Variants in CABP7 observed in about 807,000 individuals in gnomAD.
The protein encoded by CABP7 is calcium-binding protein 7.
CABP7 carries 13 observed loss-of-function variants against 23.1 expected under a neutral mutation model. The ratio of observed to expected loss-of-function variants is 0.56; its 90% CI spans 0.37 to 0.90. CABP7 has a LOEUF of 0.90. CABP7 is among the 40% of genes least tolerant of loss of function. The pLI is 0.01. For missense variants in CABP7, 248 were observed against 295.6 expected (o/e 0.84, Z 1.18); for synonymous variants, 123 against 115.3 (o/e 1.07, Z -0.43).
In CABP7 at chr22:29,726,504, C is replaced by T. The variant is rs146490439; in HGVS notation, c.110-1158C>T. ...CAGCCCAAGCAACAGCAGCTCTGAGCCCACGCTGACTCTGGGCCGGCCGCT... is the reference window on the plus strand; with the variant it reads ...CAGCCCAAGCAACAGCAGCTCTGAGTCCACGCTGACTCTGGGCCGGCCGCT... On this transcript the variant is annotated intron_variant, in intron 1 of 4. Coordinates refer to ENST00000216144, the MANE Select transcript of CABP7 (RefSeq NM_182527.3). Among the ~76,000 whole-genome samples, 11 of 152,344 alleles carry T rather than the reference C, an allele frequency of 7.2e-5. No individual in the cohort carries two copies. The East Asian group carries it at 2.1e-3, about 29-fold the overall frequency.
intron 1 of CABP7, among the ~76,000 whole-genome samples, chr22:29,721,010 G>A (rs1318644273): frequency 6.6e-6 from 1 of 152,136 alleles, no homozygotes; most frequent in Non-Finnish European, 1.5e-5. Context: ...AGGGGAGAGG[G>A]CGACTGCCCT....
At chr22:29,729,364 C>T (rs2067821039) in intron 4 of CABP7, 78 bp from the exon 5 acceptor site, 44 of 1,585,008 alleles carry the variant, frequency 2.8e-5, no homozygotes, top group South Asian at 2.2e-4. Context: ...GCCCATGTGC[C>T]GAAGGGCAGG....
At chr22:29,724,069 G>A (rs2067779498) in intron 1 of CABP7, among the ~76,000 whole-genome samples, 1 of 152,244 alleles carries the variant, frequency 6.6e-6, no homozygotes, top group African/African-American at 2.4e-5. Flanking sequence ...TTGGCCTTAC[G>A]GGACGGGAAG....
Position 29,729,733 on chromosome 22 carries a change from C to A in CABP7, c.*164C>A. 1 of 899,284 alleles carries A rather than the reference C, an allele frequency of 1.1e-6. No individual in the cohort carries two copies. Among genetic ancestry groups the A allele is most frequent in the Non-Finnish European group, 1.7e-6 (1 of 605,742 alleles). 55.7% of individuals were successfully genotyped at this position (899,284 alleles called of 1,614,324 possible). A position where few individuals can be genotyped will look rare whatever the true frequency, so the allele number is the denominator to read the frequency against. Reference sequence around the variant, plus strand: ...CTCCCCACCCACCCACGGTCCTCACCTGGAGCTGTGGCCTGGCTGTGGAGG... The same window carrying A: ...CTCCCCACCCACCCACGGTCCTCACATGGAGCTGTGGCCTGGCTGTGGAGG... On this transcript the variant is annotated 3_prime_UTR_variant, in exon 5 of 5. Transcript: ENST00000216144.
chr22:29,728,903 G>C, intron 3 of CABP7, 152 bp from the exon 4 acceptor site: 1 of 1,115,586 alleles, frequency 9.0e-7, no homozygotes, highest in Non-Finnish European at 1.3e-6. Context: ...CCCTGGGGAG[G>C]CCGGTGTTGG....
chr22:29,727,735 C>T lies in CABP7; in HGVS notation c.183C>T (p.Ala61=). 2 of 1,613,664 alleles carry T rather than the reference C, an allele frequency of 1.2e-6. No individual in the cohort carries two copies. The highest frequency in any genetic ancestry group is 2.2e-5 in the East Asian group (1 of 44,876). The change falls in exon 2 of 5, where the codon GCC becomes GCT. Residue 61 remains alanine, a synonymous_variant. Coordinates refer to ENST00000216144, the MANE Select transcript of CABP7 (RefSeq NM_182527.3). This position sits in a 1 kb window ranked among gnomAD's most constrained non-coding sequence, Gnocchi z 4.2. ...GFISKQELGT[A]MRSLGYMPNE... ...TCTCCAAGCAGGAGCTGGGCACAGC[C>T]ATGCGCTCACTGGGTTACATGCCCA...
In CABP7 at chr22:29,726,095, G is replaced by A. The variant is rs60670183; in HGVS notation, c.110-1567G>A. Among the ~76,000 whole-genome samples, 179 of 152,274 alleles carry A rather than the reference G, an allele frequency of 1.2e-3. 2 individuals carry two copies. The South Asian group carries it at 0.024, about 21-fold the overall frequency. On this transcript the variant is annotated intron_variant, in intron 1 of 4. Transcript: ENST00000216144. ...CTGTGGCCCTGGCACAGACCTCCCC[G>A]CCCAGATGCTTCCCTGGCCCCGGGG...
chr22:29,731,275 C>G lies in CABP7; in HGVS notation c.*1706C>G. ...AGAGGCCACCCCCCAGGTGGGGGTGCCCGCAGGGATGGAGGCAGCTCCTGA... is the reference window on the plus strand; with the variant it reads ...AGAGGCCACCCCCCAGGTGGGGGTGGCCGCAGGGATGGAGGCAGCTCCTGA... On this transcript the variant is annotated 3_prime_UTR_variant, in exon 5 of 5. Coordinates refer to ENST00000216144, the MANE Select transcript of CABP7 (RefSeq NM_182527.3). 6.6e-7 allele frequency: 1 copy of G among 1,519,788 alleles called. No individual in the cohort carries two copies. Among genetic ancestry groups the G allele is most frequent in the Non-Finnish European group, 8.7e-7 (1 of 1,147,102 alleles). The allele number at this position is 1,519,788 out of a possible 1,614,324, so 94.1% of individuals were successfully genotyped here.
rs1467016437 is a variant in CABP7, at chr22:29,720,073, G to C, written c.-352G>C. 3 of 149,056 alleles carry C rather than the reference G, an allele frequency of 2.0e-5. No individual in the cohort carries two copies. The highest frequency in any genetic ancestry group is 4.9e-5 in the African/African-American group (2 of 41,118). 9.2% of individuals were successfully genotyped at this position (149,056 alleles called of 1,614,324 possible). A position where few individuals can be genotyped will look rare whatever the true frequency, so the allele number is the denominator to read the frequency against. On this transcript the variant is annotated 5_prime_UTR_variant, in exon 1 of 5. Transcript: ENST00000216144. The surrounding 1 kb of genome is among the most constrained non-coding windows in gnomAD (Gnocchi z 5.2). Reference sequence around the variant, plus strand: ...CGCCGGGCCGGTAGCGGCCGCGCCGGCGAGCGGACTAGCGGGCGGCGAGCA... The same window carrying C: ...CGCCGGGCCGGTAGCGGCCGCGCCGCCGAGCGGACTAGCGGGCGGCGAGCA...
At chr22:29,723,916 A>G (rs1453354746) in intron 1 of CABP7, among the ~76,000 whole-genome samples, 1 of 152,148 alleles carries the variant, frequency 6.6e-6, no homozygotes, top group Non-Finnish European at 1.5e-5. Flanking sequence ...TTGGGCCCTG[A>G]TGAAACTCCA....
chr22:29,725,313 A>G (rs1273787210), intron 1 of CABP7, among the ~76,000 whole-genome samples: 1 of 152,100 alleles, frequency 6.6e-6, no homozygotes, highest in African/African-American at 2.4e-5. Flanking sequence ...TCCCCTAACC[A>G]GGATTGTTCG....
rs200510740 is a variant in CABP7 at position 29,729,433 on chromosome 22, C to T, written c.521-9C>T. 79 of 1,608,034 alleles carry T rather than the reference C, an allele frequency of 4.9e-5. No homozygotes were observed. The highest frequency in any genetic ancestry group is 3.5e-4 in the Admixed American group (21 of 59,926). On this transcript the variant is annotated splice_polypyrimidine_tract_variant and intron_variant, in intron 4 of 4. Coordinates refer to ENST00000216144, the MANE Select transcript of CABP7 (RefSeq NM_182527.3). ...CTGTCTCCCCGGTGCTCCCGGCGGG[C>T]GGCCACAGCCTGCTCCAACCAGCAG...
intron 1 of CABP7, among the ~76,000 whole-genome samples, chr22:29,722,810 A>C (rs1472351402): frequency 6.6e-6 from 1 of 152,216 alleles, no homozygotes; most frequent in Non-Finnish European, 1.5e-5. Flanking sequence ...ATGTGCCAGG[A>C]AGAGGGAGCT....
At chr22:29,721,939 G>A (rs933006493) in intron 1 of CABP7, among the ~76,000 whole-genome samples, 1 of 152,034 alleles carries the variant, frequency 6.6e-6, no homozygotes, top group African/African-American at 2.4e-5. Flanking sequence ...AGAGCCCGGG[G>A]AAAGGAGGGG....
chr22:29,728,919 G>C (rs1384991509), intron 3 of CABP7, 136 bp from the exon 4 acceptor site: 2 of 1,234,520 alleles, frequency 1.6e-6, no homozygotes, highest in Non-Finnish European at 2.3e-6. Context: ...GTTGGTCAAG[G>C]ACTCTCTGGG....
Position 29,731,055 on chromosome 22 carries a change from G to A in CABP7, c.*1486G>A, listed in dbSNP as rs540115769. 18 of 593,910 alleles carry A rather than the reference G, an allele frequency of 3.0e-5. No homozygotes were observed. The East Asian group carries it at 4.4e-4, about 14-fold the overall frequency. 36.8% of individuals were successfully genotyped at this position (593,910 alleles called of 1,614,324 possible). A position where few individuals can be genotyped will look rare whatever the true frequency, so the allele number is the denominator to read the frequency against. ...GAGGAGAGTGAGGGGAGAGCTGCCC[G>A]GTGCAGACCCAGGACGAGGGCTGCA... is the stretch of plus-strand genomic sequence containing the variant. On this transcript the variant is annotated 3_prime_UTR_variant, in exon 5 of 5. Coordinates refer to ENST00000216144, the MANE Select transcript of CABP7 (RefSeq NM_182527.3).
At chr22:29,728,785 G>C (rs554557788) in intron 3 of CABP7, 43 bp downstream of exon 3, 1 of 1,418,066 alleles carries the variant, frequency 7.1e-7, no homozygotes, top group South Asian at 1.2e-5. Context: ...GCACACTGTG[G>C]AGTTCTGTTC....
chr22:29,727,859 G>C lies in CABP7; in HGVS notation c.253+54G>C, dbSNP rs2067807677. 6.4e-7 allele frequency: 1 copy of C among 1,574,658 alleles called. No homozygotes were observed. Among genetic ancestry groups the C allele is most frequent in the East Asian group, 2.3e-5 (1 of 43,916 alleles). On this transcript the variant is annotated intron_variant, in intron 2 of 4. Coordinates refer to ENST00000216144, the MANE Select transcript of CABP7 (RefSeq NM_182527.3). This position sits in a 1 kb window ranked among gnomAD's most constrained non-coding sequence, Gnocchi z 4.2. ...ACCTGGCATCTGGGCCCTGGGGGTG[G>C]GGCAGGGGCTGGGGCCTGAGCTGCT...
rs1601710103 is a variant in CABP7 at position 29,729,803 on chromosome 22, C to A, written c.*234C>A. 1.7e-6 allele frequency: 1 copy of A among 578,048 alleles called. No individual in the cohort carries two copies. The highest frequency in any genetic ancestry group is 3.1e-6 in the Non-Finnish European group (1 of 325,874). The allele number at this position is 578,048 out of a possible 1,614,324, so 35.8% of individuals were successfully genotyped here. A position where few individuals can be genotyped will look rare whatever the true frequency, so the allele number is the denominator to read the frequency against. On this transcript the variant is annotated 3_prime_UTR_variant, in exon 5 of 5. Transcript: ENST00000216144. ...GATGGTCCCCAGCCCCACCCTGTCC[C>A]CACCCTGGCCTGTAAGGAGCACTCA...
Sources: allele counts gnomAD v4.1 joint callset (sites outside exome capture counted in the v4.1 genomes callset), GRCh38; gene constraint gnomAD v4.1.1; non-coding constraint Gnocchi (gnomAD v3.1); transcripts MANE v1.5; gene names NCBI Gene and HGNC (gene_info 2026-07-23, HGNC 2026-07-21).